The following LRRIQ1 variants were observed in gnomAD, a reference collection of about 807,000 sequenced individuals.
The protein encoded by LRRIQ1 is leucine-rich repeat- and IQ domain-containing protein 1.
Under a neutral mutation model 211.9 loss-of-function variants are expected in LRRIQ1, and 210 were observed. The ratio of observed to expected loss-of-function variants is 0.99; its 90% CI spans 0.89 to 1.11. LRRIQ1 has a LOEUF of 1.11. LRRIQ1 is among the 50% of genes most tolerant of loss of function. LRRIQ1 has a pLI of 0.00. For synonymous variants in LRRIQ1, 699 were observed against 650.1 expected, an observed-to-expected ratio of 1.08 and a Z score of -1.14; for missense variants, 2,136 against 1,939.5, an observed-to-expected ratio of 1.10 and a Z score of -1.90.
rs1354500887 is a variant in LRRIQ1 at position 85,244,901 on chromosome 12, G to A, written c.5129G>A (p.Gly1710Glu). ...AATCAGGCACACAGACACTCAGCAG[G>A]ATCTTCAAGTAAGTTGTGGTTTCCT... ...KKNQAHRHSA[G>E]SSSKLWFPSK... The change falls in exon 27 of 27, where the codon GGA becomes GAA. Residue 1710 changes from glycine (G) to glutamate (E), a missense_variant. Physicochemically the swap from Gly to Glu is moderately conservative, Grantham distance 98. Coordinates refer to ENST00000393217, the MANE Select transcript of LRRIQ1 (RefSeq NM_001079910.2). 1 of 1,611,336 alleles carries A rather than the reference G, an allele frequency of 6.2e-7. No individual in the cohort carries two copies. Among genetic ancestry groups the A allele is most frequent in the Admixed American group, 1.7e-5 (1 of 59,712 alleles).
chr12:85,190,563 A>G (rs1892459552), intron 24 of LRRIQ1, among the ~76,000 whole-genome samples: 1 of 149,672 alleles, frequency 6.7e-6, no homozygotes, highest in African/African-American at 2.4e-5. Context: ...ATATGCTATT[A>G]TAAGGTAACA....
chr12:85,140,303 A>G lies in LRRIQ1; in HGVS notation c.4329+2334A>G, dbSNP rs551023052. ...TCTTTCTGATGTGTTAGTACTGACTATAATAAAATATTCAAAGCGTTTTGG... is the reference window on the plus strand; with the variant it reads ...TCTTTCTGATGTGTTAGTACTGACTGTAATAAAATATTCAAAGCGTTTTGG... On this transcript the variant is annotated intron_variant, in intron 19 of 26. Coordinates refer to ENST00000393217, the MANE Select transcript of LRRIQ1 (RefSeq NM_001079910.2). Among the ~76,000 whole-genome samples, 20 of 151,444 alleles carry G rather than the reference A, an allele frequency of 1.3e-4. 2 individuals carry two copies. Among genetic ancestry groups the G allele is most frequent in the African/African-American group, 4.8e-4 (20 of 41,480 alleles).
intron 24 of LRRIQ1, among the ~76,000 whole-genome samples, chr12:85,212,294 A>G (rs1893871944): frequency 6.6e-6 from 1 of 152,126 alleles, no homozygotes; most frequent in Non-Finnish European, 1.5e-5. Flanking sequence ...TCTCAAAAAA[A>G]CAAACAAAAA....
chr12:85,217,662 G>GTA (rs1270953076), intron 24 of LRRIQ1, among the ~76,000 whole-genome samples: 23 of 123,422 alleles, frequency 1.9e-4, no homozygotes, highest in African/African-American at 9.4e-4. Context: ...ATGTATATAT[G>GTA]TATATATGTG....
rs1226022851 is a variant in LRRIQ1 at position 85,152,912 on chromosome 12, T to C, written c.4420-112T>C. On this transcript the variant is annotated intron_variant, in intron 20 of 26. Transcript: ENST00000393217. ...TTTCATTTTATTATAATTTTAATTT[T>C]ATAATGAGTTTCCCTTAGGAGGCTA... 4 of 550,252 alleles carry C rather than the reference T, an allele frequency of 7.3e-6. No homozygotes were observed. In the East Asian group the frequency reaches 1.4e-4, roughly 20 times the overall value. The allele number at this position is 550,252 out of a possible 1,614,324, so 34.1% of individuals were successfully genotyped here.
intron 14 of LRRIQ1, among the ~76,000 whole-genome samples, chr12:85,105,073 C>CA (rs759581621): frequency 2.0e-5 from 3 of 151,896 alleles, no homozygotes; most frequent in Non-Finnish European, 4.4e-5. Flanking sequence ...AAGTGTTTCA[C>CA]CATTTTGGAA....
chr12:85,118,767 G>A (rs1377589306), intron 15 of LRRIQ1, among the ~76,000 whole-genome samples: 1 of 151,998 alleles, frequency 6.6e-6, no homozygotes, highest in African/African-American at 2.4e-5. Flanking sequence ...TCTGCCTGAA[G>A]TTTTATTTCT....
At chr12:85,039,208 T>A (rs931667086) in intron 2 of LRRIQ1, among the ~76,000 whole-genome samples, 1 of 151,222 alleles carries the variant, frequency 6.6e-6, no homozygotes, top group African/African-American at 2.4e-5. Context: ...TTATACCTTT[T>A]TATATAAAGG....
Position 85,201,374 on chromosome 12 carries a change from CTCT to C in LRRIQ1, c.4823-28138_4823-28136del, listed in dbSNP as rs992439268. ...ATAGTTTCAATATAAATGATACCAG[CTCT>C]TCTTTTATACATTTGGTATAATTTG... On this transcript the variant is annotated intron_variant, in intron 24 of 26. Transcript: ENST00000393217. 1.8e-4 allele frequency among the ~76,000 whole-genome samples: 27 copies of C among 151,420 alleles called. No individual in the cohort carries two copies. In the Middle Eastern group the frequency reaches 0.01, roughly 58 times the overall value.
At chr12:85,037,360 C>A (rs1034141479) in intron 1 of LRRIQ1, among the ~76,000 whole-genome samples, 1 of 151,884 alleles carries the variant, frequency 6.6e-6, no homozygotes, top group African/African-American at 2.4e-5. Context: ...TATACCCGTG[C>A]ATTTTGCTTT....
chr12:85,054,082 C>A (rs1483144187), intron 7 of LRRIQ1, among the ~76,000 whole-genome samples: 1 of 152,194 alleles, frequency 6.6e-6, no homozygotes, highest in Non-Finnish European at 1.5e-5. Context: ...CTTTTCCTTA[C>A]ATTCTTTTGA....
At chr12:85,253,025 A>AAACTT (rs1399008401) in intron 1 of LRRIQ1, among the ~76,000 whole-genome samples, 1 of 151,866 alleles carries the variant, frequency 6.6e-6, no homozygotes, top group Non-Finnish European at 1.5e-5. Context: ...TTTCAAAAAT[A>AAACTT]AAAAAAAGTA....
chr12:85,102,600 G>A (rs1050821028), intron 13 of LRRIQ1, among the ~76,000 whole-genome samples: 2 of 151,634 alleles, frequency 1.3e-5, no homozygotes, highest in Admixed American at 6.6e-5. Flanking sequence ...TACAAGGGAA[G>A]AGTGAAGGTC....
At chr12:85,182,883 A>G (rs1352950905) in intron 24 of LRRIQ1, among the ~76,000 whole-genome samples, 1 of 152,152 alleles carries the variant, frequency 6.6e-6, no homozygotes, top group African/African-American at 2.4e-5. Flanking sequence ...GAAAGGCCCG[A>G]GGCAGTGTTG....
chr12:85,094,218 C>G (rs67205746), intron 11 of LRRIQ1, among the ~76,000 whole-genome samples: 33,382 of 152,134 alleles, frequency 0.22, 4,337 homozygotes, highest in Admixed American at 0.31. Context: ...ATAAGCAACA[C>G]ACTTTGCATG....
At chr12:85,045,662 G>T (rs1879455596) in intron 4 of LRRIQ1, among the ~76,000 whole-genome samples, 1 of 151,828 alleles carries the variant, frequency 6.6e-6, no homozygotes, top group South Asian at 2.1e-4. Flanking sequence ...GTTTGTGTAT[G>T]TGAACAGTCA....
Position 85,055,540 on chromosome 12 carries a change from G to A in LRRIQ1, c.754-7G>A. ...TGCTGACTACCATGTATCTTACTTT[G>A]TTTTAGGAGTATATTAGAAACTTGC... On this transcript the variant is annotated splice_polypyrimidine_tract_variant and splice_region_variant and intron_variant, in intron 7 of 26. Coordinates refer to ENST00000393217, the MANE Select transcript of LRRIQ1 (RefSeq NM_001079910.2). 1.3e-6 allele frequency: 2 copies of A among 1,494,510 alleles called. No homozygotes were observed. Among genetic ancestry groups the A allele is most frequent in the Non-Finnish European group, 1.8e-6 (2 of 1,125,004 alleles). The allele number at this position is 1,494,510 out of a possible 1,614,324, so 92.6% of individuals were successfully genotyped here.
At chr12:85,093,005 A>G (rs1716524189) in intron 11 of LRRIQ1, among the ~76,000 whole-genome samples, 1 of 152,178 alleles carries the variant, frequency 6.6e-6, no homozygotes, top group Non-Finnish European at 1.5e-5. Flanking sequence ...ACTGAGAAGT[A>G]ATTGTTGGAG....
In LRRIQ1 at chr12:85,154,055, G is replaced by A. The variant is rs753247711; in HGVS notation, c.4681G>A (p.Ala1561Thr). 35 of 1,569,316 alleles carry A rather than the reference G, an allele frequency of 2.2e-5. 1 individual carries two copies. In the South Asian group the frequency reaches 4.2e-4, roughly 19 times the overall value. Residue 1561 changes from alanine (A) to threonine (T), a missense_variant, in exon 23 of 27, where the codon GCA (alanine) becomes ACA (threonine). Coordinates refer to ENST00000393217, the MANE Select transcript of LRRIQ1 (RefSeq NM_001079910.2). ...TACTGCTCAGCAAATGTTGAAGAGG[G>A]CACAGAAAATGAAATCGAAGAAACT... Reference protein sequence around the residue: ...ISTAQQMLKRAQKMKSKKLKK... With the variant: ...ISTAQQMLKRTQKMKSKKLKK...
Sources: allele counts gnomAD v4.1 joint callset (sites outside exome capture counted in the v4.1 genomes callset), GRCh38; gene constraint gnomAD v4.1.1; transcripts MANE v1.5; gene names NCBI Gene and HGNC (gene_info 2026-07-23, HGNC 2026-07-21).